RMDN3: variants seen among roughly 807,000 people sequenced by gnomAD.
The protein encoded by RMDN3 is regulator of microtubule dynamics 3.
In RMDN3, 41 loss-of-function variants were observed where a neutral mutation model predicts 61.8. The ratio of observed to expected loss-of-function variants is 0.66; its 90% confidence interval spans 0.52 to 0.86. The LOEUF (loss-of-function observed/expected upper bound fraction) is 0.86. Among genes scored for constraint, RMDN3 ranks in the 40% least tolerant of loss-of-function variants. The probability of loss-of-function intolerance (pLI) is 0.00; values close to 1 mark genes in which losing one functional copy is unlikely to be tolerated. For synonymous variants in RMDN3, 247 were observed against 232.0 expected, an observed-to-expected ratio of 1.06 and a Z score of -0.59; for missense variants, 557 against 585.3, an observed-to-expected ratio of 0.95 and a Z score of 0.50.
chr15:40,746,464 C>T (rs998485246), intron 4 of RMDN3, among the ~76,000 whole-genome samples: 9 of 146,164 alleles, frequency 6.2e-5, no homozygotes, highest in African/African-American at 1.5e-4. Flanking sequence ...TTGCAGTGAG[C>T]GGAGATCACA....
At chr15:40,744,287 C>T (rs143873484) in intron 5 of RMDN3, 138 bp from the exon 6 acceptor site, 6 of 695,906 alleles carry the variant, frequency 8.6e-6, no homozygotes, top group South Asian at 5.0e-5. Context: ...AGCTCCTACA[C>T]GCAGCCTTCC....
At chr15:40,738,143 T>A in intron 8 of RMDN3, 101 bp from the exon 9 acceptor site, 2 of 1,255,984 alleles carry the variant, frequency 1.6e-6, no homozygotes, top group East Asian at 4.7e-5. Context: ...TCCCTGCACT[T>A]TGGGAAGCTG....
chr15:40,751,814 C>G (rs1304945277), intron 3 of RMDN3, 172 bp downstream of exon 3: 2 of 820,402 alleles, frequency 2.4e-6, no homozygotes, highest in African/African-American at 3.4e-5. Flanking sequence ...AGTCCAGAAG[C>G]AGCAAGGAGC....
chr15:40,745,184 C>T lies in RMDN3; in HGVS notation c.600G>A (p.Val200=). ...DKESEDGEDE[V]SCETVKMGRK... is the part of the protein sequence containing the mutation. ...TCCCCATCTTCACAGTCTCACAGCT[C>T]ACTTCATCTTCCCCGTCCTCACTTT... Residue 200 remains valine, a synonymous_variant, in exon 5 of 13, where the codon GTG becomes GTA. Transcript: ENST00000338376. The T allele has an allele frequency of 1.2e-6, 2 of 1,614,154 alleles. No individual in the cohort carries two copies. Among genetic ancestry groups the T allele is most frequent in the Non-Finnish European group, 1.7e-6 (2 of 1,180,036 alleles).
At chr15:40,747,423 G>A (rs926978996) in intron 4 of RMDN3, among the ~76,000 whole-genome samples, 1 of 152,204 alleles carries the variant, frequency 6.6e-6, no homozygotes, top group Non-Finnish European at 1.5e-5. Flanking sequence ...ATAGAAAGTA[G>A]ACTTTAATTG....
intron 10 of RMDN3, 126 bp downstream of exon 10, chr15:40,737,502 A>G (rs1401832810): frequency 2.6e-6 from 3 of 1,137,054 alleles, no homozygotes; most frequent in Admixed American, 2.0e-5. Context: ...TGGTTTTCCC[A>G]TAGAACAGGC....
chr15:40,753,037 G>A (rs189130944), intron 2 of RMDN3, among the ~76,000 whole-genome samples: 144 of 152,174 alleles, frequency 9.5e-4, no homozygotes, highest in Non-Finnish European at 1.5e-3. Context: ...ACACTACTGC[G>A]AAGCAATTAC....
At chr15:40,742,901 G>A (rs147337504) in intron 6 of RMDN3, among the ~76,000 whole-genome samples, 1,784 of 152,296 alleles carry the variant, frequency 0.012, 28 homozygotes, top group Non-Finnish European at 0.014. Flanking sequence ...CAAACTTTTG[G>A]AGAGAAAAAG....
chr15:40,745,412 C>A (rs878999266), intron 4 of RMDN3, among the ~76,000 whole-genome samples, 153 bp from the exon 5 acceptor site: 1 of 130,314 alleles, frequency 7.7e-6, no homozygotes. Context: ...GACTTTTTTT[C>A]TTTTTTTTTT....
At chr15:40,752,631 G>C (rs1007093979) in intron 2 of RMDN3, among the ~76,000 whole-genome samples, 1 of 152,104 alleles carries the variant, frequency 6.6e-6, no homozygotes, top group African/African-American at 2.4e-5. Flanking sequence ...GGAAAACTTG[G>C]AGTTTCTCCC....
Position 40,740,135 on chromosome 15 carries a change from C to T in RMDN3, c.969G>A (p.Leu323=). The change falls in exon 7 of 13, where the codon CTG becomes CTA. Residue 323 remains leucine (L), a splice_region_variant and synonymous_variant. Coordinates refer to ENST00000338376, the MANE Select transcript of RMDN3 (RefSeq NM_018145.3). ...AGAACACTGCAGGGTGTTATTACCA[C>T]AGGTGACAGTCAGCACTCTCATCCC... is the stretch of plus-strand genomic sequence containing the variant. ...EKGDESADCH[L]WYAVLCGQLA... The T allele has an allele frequency of 6.2e-7, 1 of 1,605,588 alleles. No homozygotes were observed. Among genetic ancestry groups the T allele is most frequent in the Non-Finnish European group, 8.5e-7 (1 of 1,172,806 alleles).
At chr15:40,750,257 T>A (rs1330609425) in intron 4 of RMDN3, among the ~76,000 whole-genome samples, 1 of 147,108 alleles carries the variant, frequency 6.8e-6, no homozygotes, top group Non-Finnish European at 1.5e-5. Context: ...TCTCACTCTG[T>A]CTCACAGGCT....
intron 3 of RMDN3, 161 bp from the exon 4 acceptor site, chr15:40,751,730 T>C: frequency 9.1e-7 from 1 of 1,102,910 alleles, no homozygotes; most frequent in Non-Finnish European, 1.3e-6. Flanking sequence ...GGCAGCTTCC[T>C]GGGCCCAGCC....
intron 8 of RMDN3, 107 bp downstream of exon 8, chr15:40,738,394 G>T (rs1897149132): frequency 9.8e-7 from 1 of 1,021,410 alleles, no homozygotes; most frequent in Non-Finnish European, 1.5e-6. Context: ...AAAAAAAGAA[G>T]AAAGGCAAGT....
chr15:40,741,231 G>A (rs1897264288), intron 6 of RMDN3, among the ~76,000 whole-genome samples: 1 of 152,068 alleles, frequency 6.6e-6, no homozygotes, highest in African/African-American at 2.4e-5. Flanking sequence ...AAAGGGGATG[G>A]GTACATTGGC....
chr15:40,750,669 C>T (rs1421900214), intron 4 of RMDN3, among the ~76,000 whole-genome samples: 1 of 152,118 alleles, frequency 6.6e-6, no homozygotes, highest in Non-Finnish European at 1.5e-5. Context: ...TCCTCTGATC[C>T]AGCATAAAAC....
chr15:40,749,627 T>A (rs1897727881), intron 4 of RMDN3, among the ~76,000 whole-genome samples: 1 of 152,240 alleles, frequency 6.6e-6, no homozygotes, highest in African/African-American at 2.4e-5. Context: ...AGTTCAAACA[T>A]CAATTCCCCA....
chr15:40,745,166 C>T lies in RMDN3; in HGVS notation c.618G>A (p.Lys206=), dbSNP rs776023849. 9 of 1,614,046 alleles carry T rather than the reference C, an allele frequency of 5.6e-6. No homozygotes were observed. The highest frequency in any genetic ancestry group is 5.5e-5 in the South Asian group (5 of 91,084). Residue 206 remains lysine (K), a synonymous_variant, in exon 5 of 13, where the codon AAG becomes AAA. Coordinates refer to ENST00000338376, the MANE Select transcript of RMDN3 (RefSeq NM_018145.3). ...AGTCAAGAGAATCCTTTCTCCCCAT[C>T]TTCACAGTCTCACAGCTCACTTCAT... The part of the protein sequence containing the change: ...GEDEVSCETV[K]MGRKDSLDLE...
At chr15:40,749,192 C>G (rs527539145) in intron 4 of RMDN3, among the ~76,000 whole-genome samples, 1 of 152,212 alleles carries the variant, frequency 6.6e-6, no homozygotes, top group African/African-American at 2.4e-5. Flanking sequence ...CCTGAGCCAC[C>G]GCGCCTGGCC....
Sources: gnomAD v4.1 joint callset for allele counts (sites outside exome capture counted in the v4.1 genomes callset) on GRCh38, gnomAD v4.1.1 for gene constraint, MANE v1.5 for transcripts, NCBI Gene and HGNC (gene_info 2026-07-23, HGNC 2026-07-21) for gene names.